KIRREL3: variants seen among roughly 807,000 people sequenced by gnomAD.
KIRREL3 encodes the protein kin of IRRE-like protein 3.
Under a neutral mutation model 89.7 loss-of-function variants are expected in KIRREL3, and 36 were observed. The ratio of observed to expected loss-of-function variants is 0.40; its 90% CI spans 0.31 to 0.53. KIRREL3 has a LOEUF of 0.53. KIRREL3 is among the 20% of genes least tolerant of loss of function. The probability of loss-of-function intolerance (pLI) is 0.49; values close to 1 mark genes in which losing one functional copy is unlikely to be tolerated. For missense variants in KIRREL3, 864 were observed against 1,056.6 expected, an observed-to-expected ratio of 0.82 and a Z score of 2.53; for synonymous variants, 445 against 441.4, an observed-to-expected ratio of 1.01 and a Z score of -0.10.
intron 2 of KIRREL3, among the ~76,000 whole-genome samples, chr11:126,538,197 C>T (rs1376906459): frequency 1.3e-5 from 2 of 152,240 alleles, no homozygotes; most frequent in African/African-American, 2.4e-5. Flanking sequence ...TTCACAGCCT[C>T]CTGGAGTGTT....
intron 1 of KIRREL3, among the ~76,000 whole-genome samples, chr11:126,629,084 T>TC (rs1428352320): frequency 3.9e-5 from 6 of 151,930 alleles, no homozygotes; most frequent in African/African-American, 1.2e-4. Flanking sequence ...AAACACCACC[T>TC]CCCCCCAACC....
At position 126,773,881 on chromosome 11, in the gene KIRREL3, G is replaced by A. The variant is rs1292359718; in HGVS notation, c.56-210969C>T. ...TCTGGGACTTTTAAAAGTGCAAACAGCAGAACACACCCCAGGGAGGTGAGG... is the reference window on the plus strand; with the variant it reads ...TCTGGGACTTTTAAAAGTGCAAACAACAGAACACACCCCAGGGAGGTGAGG... On this transcript the variant is annotated intron_variant, in intron 1 of 16. Transcript: ENST00000525144. The surrounding 1 kb of genome is among the most constrained non-coding windows in gnomAD (Gnocchi z 4.2). Among the ~76,000 whole-genome samples the A allele has an allele frequency of 1.3e-5, 2 of 152,194 alleles. No homozygotes were observed. The highest frequency in any genetic ancestry group is 4.8e-5 in the African/African-American group (2 of 41,444).
chr11:126,786,231 A>T (rs922491353), intron 1 of KIRREL3, among the ~76,000 whole-genome samples: 2 of 152,204 alleles, frequency 1.3e-5, no homozygotes, highest in Non-Finnish European at 2.9e-5. Context: ...AGGGGAAGAT[A>T]AAAATATGAG....
chr11:126,947,722 G>A (rs1161221464), intron 1 of KIRREL3, among the ~76,000 whole-genome samples: 1 of 152,194 alleles, frequency 6.6e-6, no homozygotes, highest in Admixed American at 6.5e-5. Context: ...GGATTAAAAA[G>A]GGATCCCATG....
rs1435430509 is a variant in KIRREL3, at chr11:126,750,146, A to G, written c.56-187234T>C. 6.6e-6 allele frequency among the ~76,000 whole-genome samples: 1 copy of G among 152,218 alleles called. No homozygotes were observed. Among genetic ancestry groups the G allele is most frequent in the African/African-American group, 2.4e-5 (1 of 41,454 alleles). On this transcript the variant is annotated intron_variant, in intron 1 of 16. Coordinates refer to ENST00000525144, the MANE Select transcript of KIRREL3 (RefSeq NM_032531.4). This position sits in a 1 kb window ranked among gnomAD's most constrained non-coding sequence, Gnocchi z 4.2. ...GTGCCTTGCACATAGTAGGCACAGA[A>G]TACACAATCATTGCTACTGAGTCAC... is the stretch of plus-strand genomic sequence containing the variant.
At chr11:126,539,598 C>T (rs1938192852) in intron 2 of KIRREL3, among the ~76,000 whole-genome samples, 1 of 152,136 alleles carries the variant, frequency 6.6e-6, no homozygotes, top group African/African-American at 2.4e-5. Context: ...AGTACTTGAC[C>T]AGGGATGAGG....
At chr11:126,725,629 G>A (rs79317100) in intron 1 of KIRREL3, among the ~76,000 whole-genome samples, 9,263 of 152,290 alleles carry the variant, frequency 0.061, 395 homozygotes, top group Non-Finnish European at 0.094. Context: ...GGTAGAGGCC[G>A]TCCTTGTCTG....
At position 126,715,903 on chromosome 11, in the gene KIRREL3, T is replaced by G. The variant is rs114045475; in HGVS notation, c.56-152991A>C. Reference sequence around the variant, plus strand: ...AGCAATCTGCAGTGTTATTGACTAGTGGAAAAATGGCTCCTCTCTGACTTA... The same window carrying G: ...AGCAATCTGCAGTGTTATTGACTAGGGGAAAAATGGCTCCTCTCTGACTTA... On this transcript the variant is annotated intron_variant, in intron 1 of 16. Coordinates refer to ENST00000525144, the MANE Select transcript of KIRREL3 (RefSeq NM_032531.4). This position sits in a 1 kb window ranked among gnomAD's most constrained non-coding sequence, Gnocchi z 4.4. 1.8e-3 allele frequency among the ~76,000 whole-genome samples: 269 copies of G among 152,182 alleles called. 1 individual carries two copies. Among genetic ancestry groups the G allele is most frequent in the African/African-American group, 6.2e-3 (259 of 41,522 alleles).
chr11:126,714,591 G>A (rs891462965), intron 1 of KIRREL3, among the ~76,000 whole-genome samples: 3 of 152,178 alleles, frequency 2.0e-5, no homozygotes, highest in Non-Finnish European at 4.4e-5. Flanking sequence ...TATGGGGCTG[G>A]TGGGGATAAA....
intron 1 of KIRREL3, among the ~76,000 whole-genome samples, chr11:126,881,052 A>C (rs1945475315): frequency 6.6e-6 from 1 of 152,238 alleles, no homozygotes; most frequent in African/African-American, 2.4e-5. Context: ...GCTGTCAATC[A>C]CATCTGAAAA....
intron 1 of KIRREL3, among the ~76,000 whole-genome samples, chr11:126,858,090 G>A (rs1012367307): frequency 1.3e-5 from 2 of 152,178 alleles, no homozygotes; most frequent in African/African-American, 2.4e-5. Context: ...CCTCCTGTAC[G>A]AAGGCCAGAG....
At chr11:126,939,055 C>T (rs760514995) in intron 1 of KIRREL3, among the ~76,000 whole-genome samples, 6 of 152,136 alleles carry the variant, frequency 3.9e-5, no homozygotes, top group East Asian at 1.9e-4. Context: ...ACACATAGTA[C>T]GGACCCGCAG....
At chr11:126,732,821 G>A (rs1301432223) in intron 1 of KIRREL3, among the ~76,000 whole-genome samples, 3 of 152,228 alleles carry the variant, frequency 2.0e-5, no homozygotes, top group Non-Finnish European at 4.4e-5. Flanking sequence ...AAAAGGCCAG[G>A]GGGAACCCCT....
chr11:126,602,528 G>A (rs1033721369), intron 1 of KIRREL3, among the ~76,000 whole-genome samples: 3 of 152,202 alleles, frequency 2.0e-5, no homozygotes, highest in Non-Finnish European at 4.4e-5. Context: ...GGCCCAGAGA[G>A]GTCAAGTGCT....
intron 1 of KIRREL3, among the ~76,000 whole-genome samples, chr11:126,657,786 C>A (rs754049683): frequency 6.6e-6 from 1 of 152,228 alleles, no homozygotes; most frequent in Non-Finnish European, 1.5e-5. Context: ...TGTTCAGTCA[C>A]TGTAATGCTT....
chr11:126,586,320 T>C (rs958729926), intron 1 of KIRREL3, among the ~76,000 whole-genome samples: 4 of 152,164 alleles, frequency 2.6e-5, no homozygotes, highest in Non-Finnish European at 5.9e-5. Flanking sequence ...GTTTAAATCA[T>C]GAAGGAGTAA....
chr11:126,767,880 G>A (rs1949879311), intron 1 of KIRREL3, among the ~76,000 whole-genome samples: 1 of 152,196 alleles, frequency 6.6e-6, no homozygotes. Context: ...TCAGGCATAA[G>A]AAATTGTCAG....
chr11:126,510,620 C>T (rs978415224), intron 4 of KIRREL3, among the ~76,000 whole-genome samples: 7 of 152,180 alleles, frequency 4.6e-5, no homozygotes, highest in Middle Eastern at 3.4e-3. Context: ...TTCCATCCTC[C>T]GGAGCTCCAG....
In KIRREL3 at chr11:126,912,183, G is replaced by A. The variant is rs1477742343; in HGVS notation, c.55+88272C>T. Among the ~76,000 whole-genome samples, 1 of 151,948 alleles carries A rather than the reference G, an allele frequency of 6.6e-6. No individual in the cohort carries two copies. The highest frequency in any genetic ancestry group is 1.5e-5 in the Non-Finnish European group (1 of 68,012). ...GCAGTGACCAACCCTCTTTTCAGAA[G>A]GACAAAGTGGAATGAAAGCACAAGC... On this transcript the variant is annotated intron_variant, in intron 1 of 16. Transcript: ENST00000525144. This position sits in a 1 kb window ranked among gnomAD's most constrained non-coding sequence, Gnocchi z 4.7.
Sources: allele counts gnomAD v4.1 joint callset (sites outside exome capture counted in the v4.1 genomes callset), GRCh38; gene constraint gnomAD v4.1.1; non-coding constraint Gnocchi (gnomAD v3.1); transcripts MANE v1.5; gene names NCBI Gene and HGNC (gene_info 2026-07-23, HGNC 2026-07-21).